Variants in PRR16 observed in about 807,000 individuals in gnomAD.
The protein encoded by PRR16 is protein Largen.
A neutral mutation model predicts 18.2 loss-of-function variants in PRR16; 6 were observed. That is an observed-to-expected ratio of 0.33 (90% confidence interval 0.18 to 0.65). The LOEUF (loss-of-function observed/expected upper bound fraction) is 0.65, where lower values mean the gene tolerates loss of function less well. Ranked by LOEUF, PRR16 falls within the 30% of genes least tolerant of loss-of-function variation. The pLI is 0.74. For missense variants in PRR16, 412 were observed against 376.6 expected (o/e 1.09, Z -0.78); for synonymous variants, 151 against 147.8 (o/e 1.02, Z -0.16).
intron 1 of PRR16, among the ~76,000 whole-genome samples, chr5:120,619,892 C>G (rs940500201): frequency 1.3e-5 from 2 of 151,922 alleles, no homozygotes; most frequent in Non-Finnish European, 2.9e-5. Context: ...AAGACTAAAA[C>G]AATGTAATAC....
chr5:120,699,456 A>C, the PRR16 span, among the ~76,000 whole-genome samples: 1 of 152,148 alleles, frequency 6.6e-6, no homozygotes, highest in African/African-American at 2.4e-5. Flanking sequence ...TATCAGTAAT[A>C]ATGTGGGAGG....
the PRR16 span, among the ~76,000 whole-genome samples, chr5:120,694,268 TA>T: frequency 1.3e-5 from 2 of 152,226 alleles, no homozygotes; most frequent in Non-Finnish European, 2.9e-5. Flanking sequence ...TTTACTTAGA[TA>T]TTTTTGTAGT....
chr5:120,519,191 T>A (rs1247306362), intron 1 of PRR16, among the ~76,000 whole-genome samples: 1 of 152,098 alleles, frequency 6.6e-6, no homozygotes, highest in Non-Finnish European at 1.5e-5. Context: ...AGGTATGTGC[T>A]TCTCAGGAGA....
the PRR16 span, among the ~76,000 whole-genome samples, chr5:120,729,448 A>G: frequency 1.3e-5 from 2 of 152,150 alleles, no homozygotes; most frequent in Non-Finnish European, 2.9e-5. Context: ...GTGATTGACA[A>G]CTAAAAGATG....
the PRR16 span, among the ~76,000 whole-genome samples, chr5:120,726,901 C>T: frequency 2.6e-5 from 4 of 152,076 alleles, no homozygotes; most frequent in Non-Finnish European, 5.9e-5. Context: ...AGCATTGTTA[C>T]TATAGTTTAG....
intron 1 of PRR16, among the ~76,000 whole-genome samples, chr5:120,683,373 C>G (rs7714426): frequency 0.84 from 126,649 of 151,490 alleles, 53,167 homozygotes; most frequent in East Asian, 0.94. Flanking sequence ...GTGGTGGTGG[C>G]TGCCTGTAAT....
chr5:120,709,038 T>C, the PRR16 span, among the ~76,000 whole-genome samples: 1 of 132,134 alleles, frequency 7.6e-6, no homozygotes, highest in Non-Finnish European at 1.5e-5. Context: ...GACAGAGTCT[T>C]GCTCTGTGGT....
At chr5:120,664,160 A>T (rs760594491) in intron 1 of PRR16, among the ~76,000 whole-genome samples, 4 of 152,032 alleles carry the variant, frequency 2.6e-5, no homozygotes, top group Non-Finnish European at 5.9e-5. Flanking sequence ...TTAGCTGGGT[A>T]TGGTGGCAGA....
the PRR16 span, among the ~76,000 whole-genome samples, chr5:120,697,527 A>C: frequency 6.6e-6 from 1 of 152,182 alleles, no homozygotes; most frequent in African/African-American, 2.4e-5. Context: ...TAGTATGGTT[A>C]TGTTCAGCAT....
chr5:120,759,972 G>A, the PRR16 span, among the ~76,000 whole-genome samples: 3 of 152,146 alleles, frequency 2.0e-5, no homozygotes, highest in African/African-American at 4.8e-5. Context: ...ATTGCTCTCT[G>A]AAGGGGGTGT....
chr5:120,736,975 A>G, the PRR16 span, among the ~76,000 whole-genome samples: 1 of 152,190 alleles, frequency 6.6e-6, no homozygotes, highest in Non-Finnish European at 1.5e-5. Flanking sequence ...TAGTTCTAAC[A>G]ATGTATTTGT....
At chr5:120,544,016 T>A (rs1751998043) in intron 1 of PRR16, among the ~76,000 whole-genome samples, 1 of 152,294 alleles carries the variant, frequency 6.6e-6, no homozygotes. Flanking sequence ...GCTGTGGAGA[T>A]AATCTAGGCT....
At chr5:120,559,953 A>G (rs987370956) in intron 1 of PRR16, among the ~76,000 whole-genome samples, 9 of 151,876 alleles carry the variant, frequency 5.9e-5, no homozygotes, top group Admixed American at 5.9e-4. Flanking sequence ...TGGTATTGGC[A>G]TATAGAAATG....
At chr5:120,566,131 G>A (rs1024675234) in intron 1 of PRR16, among the ~76,000 whole-genome samples, 2 of 152,170 alleles carry the variant, frequency 1.3e-5, no homozygotes, top group Admixed American at 1.3e-4. Context: ...GATTAATGCT[G>A]TTATTTCCAT....
intron 1 of PRR16, among the ~76,000 whole-genome samples, chr5:120,621,296 C>T (rs1167616821): frequency 1.3e-5 from 2 of 152,032 alleles, no homozygotes; most frequent in African/African-American, 2.4e-5. Flanking sequence ...TGCCACTTGC[C>T]ATTGCCACCT....
chr5:120,740,730 AG>A, the PRR16 span, among the ~76,000 whole-genome samples: 1 of 152,158 alleles, frequency 6.6e-6, no homozygotes, highest in Non-Finnish European at 1.5e-5. Context: ...TCCTCAAAAA[AG>A]TTCATAGGAA....
the PRR16 span, among the ~76,000 whole-genome samples, chr5:120,756,568 A>G: frequency 6.6e-6 from 1 of 151,386 alleles, no homozygotes. Context: ...ATTTTTTTTC[A>G]TGTTTATTGG....
At chr5:120,548,073 G>A (rs1169555375) in intron 1 of PRR16, among the ~76,000 whole-genome samples, 1 of 152,008 alleles carries the variant, frequency 6.6e-6, no homozygotes, top group South Asian at 2.1e-4. Flanking sequence ...AGATACTGAG[G>A]ACAGTAGAAA....
At chr5:120,689,463 T>A (rs894289873), downstream of PRR16, among the ~76,000 whole-genome samples, 4 of 152,204 alleles carry the variant, frequency 2.6e-5, no homozygotes, top group African/African-American at 9.6e-5. Flanking sequence ...CATTAAATCA[T>A]CATAAAATAT....
Sources: allele counts gnomAD v4.1 joint callset (sites outside exome capture counted in the v4.1 genomes callset), GRCh38; gene constraint gnomAD v4.1.1; transcripts MANE v1.5; gene names NCBI Gene and HGNC (gene_info 2026-07-23, HGNC 2026-07-21).